GALNT13: variants seen among roughly 807,000 people sequenced by gnomAD.
The protein encoded by GALNT13 is polypeptide N-acetylgalactosaminyltransferase 13, also known as UDP-GalNAc:polypeptide N-acetylgalactosaminyltransferase 13.
Under a neutral mutation model 64.2 loss-of-function variants are expected in GALNT13, and 28 were observed. That is an observed-to-expected ratio of 0.44 (90% CI 0.32 to 0.60). The LOEUF (loss-of-function observed/expected upper bound fraction) is 0.60, where lower values mean the gene tolerates loss of function less well. Among genes scored for constraint, GALNT13 ranks in the 20% least tolerant of loss-of-function variants. GALNT13 has a pLI of 0.05. For missense variants in GALNT13, 577 were observed against 669.8 expected (o/e 0.86, Z 1.53); for synonymous variants, 214 against 224.6 (o/e 0.95, Z 0.42).
the GALNT13 span, among the ~76,000 whole-genome samples, chr2:153,430,291 AC>A: frequency 6.6e-6 from 1 of 152,104 alleles, no homozygotes; most frequent in Admixed American, 6.6e-5. Flanking sequence ...TGTGGGGGAA[AC>A]AAAAATTAGT....
the GALNT13 span, among the ~76,000 whole-genome samples, chr2:153,387,314 G>A: frequency 5.9e-5 from 9 of 152,110 alleles, no homozygotes; most frequent in East Asian, 1.9e-4. Context: ...CTAGGAGTTC[G>A]CAGCAGGTCT....
chr2:154,137,769 T>C (rs892005773), intron 3 of GALNT13, among the ~76,000 whole-genome samples: 1 of 152,106 alleles, frequency 6.6e-6, no homozygotes, highest in African/African-American at 2.4e-5. Context: ...TTGATTATGG[T>C]GACTTTCTCT....
the GALNT13 span, among the ~76,000 whole-genome samples, chr2:153,656,193 C>G: frequency 6.6e-6 from 1 of 152,008 alleles, no homozygotes; most frequent in Non-Finnish European, 1.5e-5. Flanking sequence ...GATGTTCTGT[C>G]AGATAATGAG....
the GALNT13 span, among the ~76,000 whole-genome samples, chr2:153,567,807 CATT>C: frequency 2.0e-5 from 3 of 152,222 alleles, no homozygotes; most frequent in African/African-American, 7.2e-5. Context: ...TAAAAAATAA[CATT>C]AATCTACGGG....
chr2:154,331,025 C>T (rs1016833611), intron 9 of GALNT13, among the ~76,000 whole-genome samples: 1 of 152,024 alleles, frequency 6.6e-6, no homozygotes, highest in Non-Finnish European at 1.5e-5. Context: ...TATGCCTGGA[C>T]ACTGTTTTGT....
chr2:153,437,037 G>T, the GALNT13 span, among the ~76,000 whole-genome samples: 7 of 151,900 alleles, frequency 4.6e-5, no homozygotes, highest in Non-Finnish European at 1.0e-4. Flanking sequence ...CTTTGTTCTC[G>T]TTGGTTTCAA....
chr2:154,189,110 A>G (rs1388548618), intron 4 of GALNT13, among the ~76,000 whole-genome samples: 2 of 152,154 alleles, frequency 1.3e-5, no homozygotes, highest in South Asian at 2.1e-4. Context: ...GTTCTTATTC[A>G]TATAGTTGTA....
the GALNT13 span, among the ~76,000 whole-genome samples, chr2:153,283,826 C>T: frequency 6.6e-5 from 10 of 151,312 alleles, no homozygotes; most frequent in South Asian, 2.1e-3. Flanking sequence ...AGTGGAGAGA[C>T]CCCCTGGAAA....
chr2:153,221,978 TTC>T, the GALNT13 span, among the ~76,000 whole-genome samples: 2 of 152,172 alleles, frequency 1.3e-5, no homozygotes, highest in East Asian at 3.9e-4. Context: ...GCCACAGCTC[TTC>T]TCTCCTTATT....
At chr2:154,328,880 G>A (rs1695017866) in intron 9 of GALNT13, among the ~76,000 whole-genome samples, 1 of 152,124 alleles carries the variant, frequency 6.6e-6, no homozygotes, top group South Asian at 2.1e-4. Flanking sequence ...AAATGCAATT[G>A]ATGTGCTTCT....
chr2:154,250,802 G>A (rs1573955259), intron 7 of GALNT13, among the ~76,000 whole-genome samples: 1 of 151,766 alleles, frequency 6.6e-6, no homozygotes. Flanking sequence ...TTGGATTGCA[G>A]GAAAGAAACA....
chr2:154,115,461 C>G (rs972877943), intron 3 of GALNT13, among the ~76,000 whole-genome samples: 21 of 151,944 alleles, frequency 1.4e-4, no homozygotes, highest in Non-Finnish European at 2.8e-4. Flanking sequence ...CCCTCTGACA[C>G]CCAGGCTAGA....
chr2:153,439,354 A>C, the GALNT13 span, among the ~76,000 whole-genome samples: 2 of 152,176 alleles, frequency 1.3e-5, no homozygotes, highest in African/African-American at 4.8e-5. Flanking sequence ...GCTGTCAGAC[A>C]GGGACATTTT....
At chr2:153,393,181 T>G in the GALNT13 span, among the ~76,000 whole-genome samples, 4 of 152,200 alleles carry the variant, frequency 2.6e-5, no homozygotes, top group Middle Eastern at 3.4e-3. Context: ...ATACATAGTA[T>G]GCCAAAAACC....
chr2:154,272,858 T>A (rs1013734812), intron 8 of GALNT13, among the ~76,000 whole-genome samples: 2 of 152,166 alleles, frequency 1.3e-5, no homozygotes, highest in African/African-American at 4.8e-5. Context: ...TCATTTTTCT[T>A]ACGTGGAAAG....
At chr2:153,163,911 G>A in the GALNT13 span, among the ~76,000 whole-genome samples, 1 of 151,662 alleles carries the variant, frequency 6.6e-6, no homozygotes, top group Non-Finnish European at 1.5e-5. Context: ...CCAGCTACTC[G>A]GGAGGCTGAG....
chr2:153,871,666 A>G (rs895774956), upstream of GALNT13, among the ~76,000 whole-genome samples: 4 of 152,186 alleles, frequency 2.6e-5, no homozygotes, highest in Non-Finnish European at 4.4e-5. Flanking sequence ...GTGCCTGCCA[A>G]GTATCGCGGG....
At chr2:153,433,958 T>C in the GALNT13 span, among the ~76,000 whole-genome samples, 1 of 152,094 alleles carries the variant, frequency 6.6e-6, no homozygotes, top group Admixed American at 6.6e-5. Flanking sequence ...TAGGTATATC[T>C]CCTAATGCTA....
At chr2:153,398,462 G>A in the GALNT13 span, among the ~76,000 whole-genome samples, 2 of 151,756 alleles carry the variant, frequency 1.3e-5, no homozygotes, top group Non-Finnish European at 2.9e-5. Flanking sequence ...TGGGTCAAAT[G>A]GTATTTCCTG....
Sources: gnomAD v4.1 joint callset for allele counts (sites outside exome capture counted in the v4.1 genomes callset) on GRCh38, gnomAD v4.1.1 for gene constraint, MANE v1.5 for transcripts, NCBI Gene and HGNC (gene_info 2026-07-23, HGNC 2026-07-21) for gene names.